ULK4: variants seen among roughly 807,000 people sequenced by gnomAD.
ULK4 encodes the protein inactive serine/threonine-protein kinase ULK4.
In ULK4, 133 loss-of-function variants were observed where a neutral mutation model predicts 160.6. The ratio of observed to expected loss-of-function variants is 0.83; its 90% CI spans 0.72 to 0.96. The LOEUF (loss-of-function observed/expected upper bound fraction) is 0.96, where lower values mean the gene tolerates loss of function less well. ULK4 is among the 40% of genes least tolerant of loss of function. The probability of loss-of-function intolerance (pLI) is 0.00; values close to 1 mark genes in which losing one functional copy is unlikely to be tolerated. For synonymous variants in ULK4, 534 were observed against 539.8 expected, an observed-to-expected ratio of 0.99 and a Z score of 0.15; for missense variants, 1,580 against 1,499.5, an observed-to-expected ratio of 1.05 and a Z score of -0.89.
intron 27 of ULK4, among the ~76,000 whole-genome samples, chr3:41,683,596 T>C (rs1017505146): frequency 2.6e-5 from 4 of 151,640 alleles, no homozygotes; most frequent in African/African-American, 9.7e-5. Context: ...CCTGGTCTTC[T>C]ATTTGTTGGG....
intron 22 of ULK4, among the ~76,000 whole-genome samples, chr3:41,747,477 C>T (rs532424900): frequency 2.0e-5 from 3 of 150,784 alleles, no homozygotes; most frequent in East Asian, 1.9e-4. Context: ...CAAGAGACCA[C>T]GATTTGAGTA....
intron 32 of ULK4, among the ~76,000 whole-genome samples, chr3:41,542,107 G>T (rs967579137): frequency 6.6e-6 from 1 of 152,104 alleles, no homozygotes; most frequent in African/African-American, 2.4e-5. Flanking sequence ...TTTTCAAAGG[G>T]AATGCTTCCA....
chr3:41,390,541 T>C (rs1381697728), intron 35 of ULK4, among the ~76,000 whole-genome samples: 1 of 152,184 alleles, frequency 6.6e-6, no homozygotes, highest in African/African-American at 2.4e-5. Flanking sequence ...GCTTTGAATG[T>C]GTCCCAGAGA....
intron 22 of ULK4, among the ~76,000 whole-genome samples, chr3:41,731,373 G>A (rs182378830): frequency 2.0e-4 from 30 of 151,852 alleles, no homozygotes; most frequent in Non-Finnish European, 3.7e-4. Context: ...AATCAAGAAA[G>A]CAATACCATT....
intron 30 of ULK4, among the ~76,000 whole-genome samples, chr3:41,662,605 A>C (rs540440468): frequency 1.2e-4 from 18 of 152,266 alleles, no homozygotes; most frequent in African/African-American, 4.1e-4. Context: ...AGAGGAAATC[A>C]AGATGGTTGG....
In ULK4 at chr3:41,788,566, T is replaced by C. The variant is rs1030323264; in HGVS notation, c.2193+1095A>G. 1.3e-4 allele frequency among the ~76,000 whole-genome samples: 20 copies of C among 152,118 alleles called. No individual in the cohort carries two copies. In the East Asian group the frequency reaches 3.7e-3, roughly 28 times the overall value. On this transcript the variant is annotated intron_variant, in intron 21 of 36. Coordinates refer to ENST00000301831, the MANE Select transcript of ULK4 (RefSeq NM_017886.4). ...TTAGCCAGGCGTGGTGGCGGGTACCTATAGTCCCAGCTACTCAGGAGGCTG... is the reference window on the plus strand; with the variant it reads ...TTAGCCAGGCGTGGTGGCGGGTACCCATAGTCCCAGCTACTCAGGAGGCTG...
intron 34 of ULK4, among the ~76,000 whole-genome samples, chr3:41,424,760 C>A (rs750631197): frequency 7.2e-6 from 1 of 138,994 alleles, no homozygotes; most frequent in Admixed American, 8.1e-5. Context: ...AAACTCCCCA[C>A]AAAAACCACA....
At chr3:41,533,669 C>T (rs1401575315) in intron 32 of ULK4, among the ~76,000 whole-genome samples, 1 of 152,176 alleles carries the variant, frequency 6.6e-6, no homozygotes, top group Non-Finnish European at 1.5e-5. Context: ...GTAGCAGCAA[C>T]AAAAGCAATA....
At chr3:41,375,134 G>C (rs1160302918) in intron 35 of ULK4, among the ~76,000 whole-genome samples, 2 of 152,032 alleles carry the variant, frequency 1.3e-5, no homozygotes, top group Non-Finnish European at 2.9e-5. Flanking sequence ...AAATAAAAGA[G>C]GACATAAACA....
chr3:41,909,271 A>G (rs1295207528), intron 11 of ULK4, among the ~76,000 whole-genome samples: 1 of 149,028 alleles, frequency 6.7e-6, no homozygotes, highest in African/African-American at 2.5e-5. Flanking sequence ...AAGAAAAAAA[A>G]AATTATCATC....
At chr3:41,558,525 G>T (rs924310293) in intron 32 of ULK4, among the ~76,000 whole-genome samples, 4 of 151,878 alleles carry the variant, frequency 2.6e-5, no homozygotes, top group African/African-American at 9.7e-5. Context: ...CCAACATAAT[G>T]AAACACTGTC....
intron 35 of ULK4, among the ~76,000 whole-genome samples, chr3:41,255,129 T>TACAC (rs369404667): frequency 3.9e-3 from 556 of 144,248 alleles, no homozygotes; most frequent in African/African-American, 8.4e-3. Flanking sequence ...AAATTATGGC[T>TACAC]ACACACACAC....
At chr3:41,717,666 A>G in intron 23 of ULK4, 62 bp downstream of exon 23, 1 of 1,555,232 alleles carries the variant, frequency 6.4e-7, no homozygotes, top group Non-Finnish European at 8.8e-7. Context: ...ACTGATGCCT[A>G]AAAGCCAAGT....
intron 30 of ULK4, among the ~76,000 whole-genome samples, chr3:41,643,408 A>G (rs1291943036): frequency 1.3e-5 from 2 of 152,212 alleles, no homozygotes; most frequent in Admixed American, 1.3e-4. Flanking sequence ...CTTTCTACAT[A>G]TGGCTAGCCA....
chr3:41,627,410 T>C (rs1445868710), intron 30 of ULK4, among the ~76,000 whole-genome samples: 2 of 151,876 alleles, frequency 1.3e-5, no homozygotes, highest in African/African-American at 2.4e-5. Flanking sequence ...ATAAAAAGAG[T>C]AGACAAGACA....
At chr3:41,771,839 A>G (rs2039391909) in intron 21 of ULK4, among the ~76,000 whole-genome samples, 2 of 152,254 alleles carry the variant, frequency 1.3e-5, no homozygotes, top group Admixed American at 1.3e-4. Context: ...CAAACATACA[A>G]TAGAGTGATT....
chr3:41,365,248 C>T (rs986065241), intron 35 of ULK4, among the ~76,000 whole-genome samples: 2 of 152,088 alleles, frequency 1.3e-5, no homozygotes, highest in African/African-American at 2.4e-5. Context: ...TAACACTTGC[C>T]TCATTTAAGA....
chr3:41,713,842 T>C (rs2037178501), intron 25 of ULK4, among the ~76,000 whole-genome samples: 1 of 152,170 alleles, frequency 6.6e-6, no homozygotes, highest in Non-Finnish European at 1.5e-5. Context: ...AAAAAGACTT[T>C]TCTGTTGGAA....
rs540571652 is a variant in ULK4 at position 41,931,736 on chromosome 3, A to G, written c.541+108T>C. The G allele has an allele frequency of 6.2e-4, 841 of 1,346,620 alleles. 10 individuals carry two copies. In the South Asian group the frequency reaches 0.011, roughly 17 times the overall value. The allele number at this position is 1,346,620 out of a possible 1,614,324, so 83.4% of individuals were successfully genotyped here. ...TGTCTGCTGGTCATTACCATTTTCA[A>G]TATCTTATTTGAGTGGCAAAACAAA... On this transcript the variant is annotated intron_variant, in intron 5 of 36. Transcript: ENST00000301831.
Sources: gnomAD v4.1 joint callset for allele counts (sites outside exome capture counted in the v4.1 genomes callset) on GRCh38, gnomAD v4.1.1 for gene constraint, MANE v1.5 for transcripts, NCBI Gene and HGNC (gene_info 2026-07-23, HGNC 2026-07-21) for gene names.